Variants in CCDC92B observed in about 807,000 individuals in gnomAD.
CCDC92B encodes the protein coiled-coil domain-containing 92B.
In CCDC92B, 2 loss-of-function variants were observed where a neutral mutation model predicts 5.6. The ratio of observed to expected loss-of-function variants is 0.36; its 90% CI spans 0.15 to 1.12. CCDC92B has a LOEUF of 1.12. Among genes scored for constraint, CCDC92B ranks in the 50% most tolerant of loss-of-function variants. The probability of loss-of-function intolerance (pLI) is 0.40; values close to 1 mark genes in which losing one functional copy is unlikely to be tolerated. For synonymous variants in CCDC92B, 115 were observed against 122.3 expected, an observed-to-expected ratio of 0.94 and a Z score of 0.39; for missense variants, 271 against 262.2, an observed-to-expected ratio of 1.03 and a Z score of -0.23.
At chr17:2,747,946 G>C (rs2071006579) in intron 1 of CCDC92B, 2 of 341,000 alleles carry the variant, frequency 5.9e-6, no homozygotes, top group African/African-American at 4.3e-5. Flanking sequence ...ACCCCACGTT[G>C]AAGATTCTAT....
chr17:2,728,382 T>C lies in CCDC92B; in HGVS notation c.178+2064A>G, dbSNP rs939338128. On this transcript the variant is annotated intron_variant, in intron 3 of 3. Transcript: ENST00000614400. The stretch of plus-strand genomic sequence containing the variant: ...CAGCACTTTGGGAGGCCGAGGTGGG[T>C]GGATCACGAGGTCAGGAGATCTAGA... 4.1e-4 allele frequency among the ~76,000 whole-genome samples: 62 copies of C among 149,744 alleles called. No homozygotes were observed. In the East Asian group the frequency reaches 8.6e-3, roughly 21 times the overall value.
chr17:2,730,773 A>G (rs1485723583), intron 2 of CCDC92B, among the ~76,000 whole-genome samples: 2 of 152,158 alleles, frequency 1.3e-5, no homozygotes, highest in African/African-American at 4.8e-5. Flanking sequence ...TTCGGAGTTT[A>G]GTTCACCCCT....
At chr17:2,739,251 C>T (rs2070896762) in intron 1 of CCDC92B, among the ~76,000 whole-genome samples, 1 of 150,820 alleles carries the variant, frequency 6.6e-6, no homozygotes, top group Admixed American at 6.6e-5. Flanking sequence ...CCTGTAGTCC[C>T]AGCTACTCGG....
At chr17:2,728,535 A>G (rs144738659) in intron 3 of CCDC92B, among the ~76,000 whole-genome samples, 5,598 of 151,882 alleles carry the variant, frequency 0.037, 135 homozygotes, top group South Asian at 0.088. Flanking sequence ...CCCGGGAGGC[A>G]GAGCTTGCAG....
intron 3 of CCDC92B, among the ~76,000 whole-genome samples, chr17:2,728,340 G>T (rs1345253374): frequency 4.6e-5 from 7 of 151,196 alleles, no homozygotes; most frequent in African/African-American, 1.7e-4. Context: ...AGACGCGGTG[G>T]CTCATGCCTG....
intron 3 of CCDC92B, among the ~76,000 whole-genome samples, chr17:2,728,558 G>A (rs902313809): frequency 2.0e-5 from 3 of 150,392 alleles, no homozygotes; most frequent in Admixed American, 6.7e-5. Context: ...AGCCGAGACC[G>A]CACCACTGCA....
intron 1 of CCDC92B, among the ~76,000 whole-genome samples, chr17:2,736,536 C>T (rs1207589437): frequency 1.3e-5 from 2 of 151,804 alleles, no homozygotes; most frequent in Non-Finnish European, 1.5e-5. Flanking sequence ...TGCGTGAGTC[C>T]AGGAGTTTGA....
At chr17:2,728,498 C>T (rs780115610) in intron 3 of CCDC92B, among the ~76,000 whole-genome samples, 1 of 150,976 alleles carries the variant, frequency 6.6e-6, no homozygotes, top group Admixed American at 6.6e-5. Context: ...CCCAGCTACA[C>T]GGGAGACTGA....
intron 1 of CCDC92B, among the ~76,000 whole-genome samples, chr17:2,747,877 T>C (rs1229924551): frequency 6.6e-6 from 1 of 152,242 alleles, no homozygotes; most frequent in Non-Finnish European, 1.5e-5. Context: ...CTTATAATAA[T>C]AAGTAATTGG....
At position 2,724,810 on chromosome 17, in the gene CCDC92B, G is replaced by A. The variant is rs1185879746; in HGVS notation, c.369C>T (p.Ala123=). The change falls in exon 4 of 4, where the codon GCC becomes GCT. Residue 123 remains alanine (A), a synonymous_variant. Transcript: ENST00000614400. This position sits in a 1 kb window ranked among gnomAD's most constrained non-coding sequence, Gnocchi z 5.0. ...LEELRRRSHR[A]TVLGTELQKH... Reference sequence around the variant, plus strand: ...TCTGCAGCTCGGTGCCCAGCACGGTGGCGCGGTGGCTGCGGCGGCGCAGCT... The same window carrying A: ...TCTGCAGCTCGGTGCCCAGCACGGTAGCGCGGTGGCTGCGGCGGCGCAGCT... 1.0e-6 allele frequency: 1 copy of A among 984,862 alleles called. No homozygotes were observed. Among genetic ancestry groups the A allele is most frequent in the Non-Finnish European group, 1.2e-6 (1 of 829,814 alleles). The allele number at this position is 984,862 out of a possible 1,614,324, so 61.0% of individuals were successfully genotyped here.
chr17:2,726,490 TA>T, intron 3 of CCDC92B, among the ~76,000 whole-genome samples: 1 of 152,036 alleles, frequency 6.6e-6, no homozygotes, highest in East Asian at 1.9e-4. Flanking sequence ...CTAATTTTTG[TA>T]TTTTTAGTAG....
At chr17:2,729,436 G>T (rs1383543493) in intron 3 of CCDC92B, among the ~76,000 whole-genome samples, 2 of 150,154 alleles carry the variant, frequency 1.3e-5, no homozygotes, top group Non-Finnish European at 2.9e-5. Context: ...GGAGGTTGCA[G>T]TGAGCCGAGA....
chr17:2,728,611 A>AC (rs1262652236), intron 3 of CCDC92B, among the ~76,000 whole-genome samples: 4 of 151,896 alleles, frequency 2.6e-5, no homozygotes, highest in African/African-American at 9.7e-5. Flanking sequence ...TCAAAAAAAA[A>AC]AAACAAAAAA....
chr17:2,727,803 G>A (rs1228295542), intron 3 of CCDC92B, among the ~76,000 whole-genome samples: 7 of 147,410 alleles, frequency 4.7e-5, no homozygotes, highest in East Asian at 2.0e-4. Flanking sequence ...CAGCCTGGGC[G>A]CCAGAGTGAG....
chr17:2,728,392 G>A (rs963138508), intron 3 of CCDC92B, among the ~76,000 whole-genome samples: 1 of 151,896 alleles, frequency 6.6e-6, no homozygotes, highest in Non-Finnish European at 1.5e-5. Context: ...TGGATCACGA[G>A]GTCAGGAGAT....
intron 1 of CCDC92B, 57 bp from the exon 2 acceptor site, chr17:2,735,225 C>T: frequency 1.0e-6 from 1 of 981,282 alleles, no homozygotes. Context: ...GCTGCCCCAC[C>T]CTCAGCTCTT....
At position 2,724,466 on chromosome 17, in the gene CCDC92B, C is replaced by T. The variant is rs1597231333; in HGVS notation, c.713G>A (p.Arg238Gln). The T allele has an allele frequency of 1.0e-6, 1 of 983,198 alleles. No individual in the cohort carries two copies. The highest frequency in any genetic ancestry group is 1.2e-6 in the Non-Finnish European group (1 of 829,098). 60.9% of individuals were successfully genotyped at this position (983,198 alleles called of 1,614,324 possible). ...RQPPPQEPPD[R>Q]AGPQPAPSQP... Reference sequence around the variant, plus strand: ...GCTGGGCGCGGGCTGCGGGCCGGCTCGGTCCGGGGGCTCCTGGGGAGGCGG... The same window carrying T: ...GCTGGGCGCGGGCTGCGGGCCGGCTTGGTCCGGGGGCTCCTGGGGAGGCGG... The change falls in exon 4 of 4, where the codon CGA becomes CAA. Residue 238 changes from arginine (R) to glutamine (Q), a missense_variant. Physicochemically the swap from Arg to Gln is conservative, Grantham distance 43. Transcript: ENST00000614400. The surrounding 1 kb of genome is among the most constrained non-coding windows in gnomAD (Gnocchi z 5.0).
chr17:2,724,565 T>A lies in CCDC92B; in HGVS notation c.614A>T (p.Asp205Val), dbSNP rs1201049063. 2.0e-6 allele frequency: 2 copies of A among 980,734 alleles called. No individual in the cohort carries two copies. The highest frequency in any genetic ancestry group is 2.4e-6 in the Non-Finnish European group (2 of 828,264). The allele number at this position is 980,734 out of a possible 1,614,324, so 60.8% of individuals were successfully genotyped here. A position where few individuals can be genotyped will look rare whatever the true frequency, so the allele number is the denominator to read the frequency against. Residue 205 changes from aspartate to valine, a missense_variant, in exon 4 of 4, where the codon GAC (aspartate) becomes GTC (valine). Coordinates refer to ENST00000614400, the MANE Select transcript of CCDC92B (RefSeq NM_001355573.2). This position sits in a 1 kb window ranked among gnomAD's most constrained non-coding sequence, Gnocchi z 5.0. ...DRGAGALDDA[D>V]PMPDPALFLY... ...GAAGAGCGCGGGGTCGGGCATGGGG[T>A]CGGCGTCGTCGAGGGCGCCGGCCCC...
chr17:2,735,733 A>G (rs2070851161), intron 1 of CCDC92B, among the ~76,000 whole-genome samples: 3 of 152,170 alleles, frequency 2.0e-5, no homozygotes, highest in Admixed American at 2.0e-4. Flanking sequence ...GCCCAGGCCC[A>G]TATAACTTTA....
Sources: allele counts gnomAD v4.1 joint callset (sites outside exome capture counted in the v4.1 genomes callset), GRCh38; gene constraint gnomAD v4.1.1; non-coding constraint Gnocchi (gnomAD v3.1); transcripts MANE v1.5; gene names NCBI Gene and HGNC (gene_info 2026-07-23, HGNC 2026-07-21).